The following INPP5D variants were observed in gnomAD, a reference collection of about 807,000 sequenced individuals.
INPP5D encodes the protein phosphatidylinositol 3,4,5-trisphosphate 5-phosphatase 1.
In INPP5D, 33 loss-of-function variants were observed where a neutral mutation model predicts 122.9. That is an observed-to-expected ratio of 0.27 (90% confidence interval 0.20 to 0.36). INPP5D has a LOEUF of 0.36. INPP5D is among the 10% of genes least tolerant of loss of function. The pLI is 1.00. For synonymous variants in INPP5D, 584 were observed against 576.2 expected (o/e 1.01, Z -0.19); for missense variants, 1,053 against 1,412.7 (o/e 0.75, Z 4.08).
intron 9 of INPP5D, among the ~76,000 whole-genome samples, chr2:233,156,491 C>T (rs573383109): frequency 2.2e-4 from 34 of 152,268 alleles, no homozygotes; most frequent in African/African-American, 8.2e-4. Flanking sequence ...GACAGGGTTT[C>T]ACCATGTTGC....
At chr2:233,176,269 G>C (rs1694621819) in intron 17 of INPP5D, among the ~76,000 whole-genome samples, 1 of 151,170 alleles carries the variant, frequency 6.6e-6, no homozygotes, top group Non-Finnish European at 1.5e-5. Context: ...GATTGGATAA[G>C]TAGGTAGACG....
chr2:233,136,395 C>T (rs11677508), intron 5 of INPP5D, among the ~76,000 whole-genome samples: 71,057 of 151,510 alleles, frequency 0.47, 17,096 homozygotes, highest in African/African-American at 0.54. Flanking sequence ...AGGAGAATCG[C>T]TTGAACCCAG....
intron 2 of INPP5D, among the ~76,000 whole-genome samples, chr2:233,089,237 C>T (rs1176559439): frequency 6.6e-6 from 1 of 152,192 alleles, no homozygotes; most frequent in African/African-American, 2.4e-5. Context: ...CTTGTCATCC[C>T]TTTCTGGCCT....
chr2:233,147,385 C>A, intron 8 of INPP5D, 86 bp from the exon 9 acceptor site: 1 of 680,360 alleles, frequency 1.5e-6, no homozygotes, highest in Non-Finnish European at 2.7e-6. Context: ...GGTTGCCCAG[C>A]CATGTAGACA....
chr2:233,206,888 A>C lies in INPP5D; in HGVS notation c.*180A>C, dbSNP rs1180460464. ...GAGTTCACTGCCTGTGAGACTTAGC[A>C]CCAAGTGCTGAGGCTGGAAGAAAAA... On this transcript the variant is annotated 3_prime_UTR_variant, in exon 27 of 27. Coordinates refer to ENST00000445964, the MANE Select transcript of INPP5D (RefSeq NM_001017915.3). The surrounding 1 kb of genome is among the most constrained non-coding windows in gnomAD (Gnocchi z 4.0). 2.3e-5 allele frequency: 14 copies of C among 596,884 alleles called. No homozygotes were observed. The highest frequency in any genetic ancestry group is 3.1e-5 in the Non-Finnish European group (10 of 326,498). The allele number at this position is 596,884 out of a possible 1,614,324, so 37.0% of individuals were successfully genotyped here.
intron 1 of INPP5D, among the ~76,000 whole-genome samples, chr2:233,067,632 A>T (rs889496352): frequency 1.3e-5 from 2 of 152,210 alleles, no homozygotes; most frequent in African/African-American, 4.8e-5. Context: ...TGGTGGATCC[A>T]CCATTTTGCA....
rs1322787041 is a variant in INPP5D, at chr2:233,128,058, G to GGTGAGC, written c.524+2141_524+2146dup. Among the ~76,000 whole-genome samples the GGTGAGC allele has an allele frequency of 1.1e-4, 16 of 152,364 alleles. No individual in the cohort carries two copies. The highest frequency in any genetic ancestry group is 1.5e-4 in the Non-Finnish European group (10 of 68,042). ...TATTAGGAACTGGGTGGCAGCAGGA[G>GGTGAGC]GTGAGCGGAGGGCAAGCGAGCATTA... On this transcript the variant is annotated intron_variant, in intron 4 of 26. Transcript: ENST00000445964. This position sits in a 1 kb window ranked among gnomAD's most constrained non-coding sequence, Gnocchi z 4.5.
At chr2:233,101,325 C>T (rs1170199919) in intron 2 of INPP5D, among the ~76,000 whole-genome samples, 1 of 152,088 alleles carries the variant, frequency 6.6e-6, no homozygotes, top group Non-Finnish European at 1.5e-5. Context: ...GGAGCCAGTG[C>T]CAGCACCCCA....
chr2:233,151,560 C>G (rs1285225946), intron 9 of INPP5D, among the ~76,000 whole-genome samples: 1 of 152,226 alleles, frequency 6.6e-6, no homozygotes, highest in Non-Finnish European at 1.5e-5. Context: ...TTTACACACC[C>G]TGGACTCTGC....
chr2:233,130,768 A>G, intron 5 of INPP5D, 120 bp downstream of exon 5: 1 of 1,032,378 alleles, frequency 9.7e-7, no homozygotes. Context: ...ACTCACAATA[A>G]TTGAGTGGTG....
intron 18 of INPP5D, among the ~76,000 whole-genome samples, chr2:233,179,747 G>A (rs931442108): frequency 2.6e-5 from 4 of 152,122 alleles, no homozygotes; most frequent in Non-Finnish European, 4.4e-5. Flanking sequence ...GGGTTGAGGG[G>A]AGGCAAAATG....
chr2:233,181,877 C>T (rs1312288205), intron 18 of INPP5D, among the ~76,000 whole-genome samples: 1 of 152,142 alleles, frequency 6.6e-6, no homozygotes, highest in Non-Finnish European at 1.5e-5. Flanking sequence ...GAGTGGATCA[C>T]CTGAGGTCAG....
chr2:233,162,143 C>T (rs71421685), intron 11 of INPP5D, among the ~76,000 whole-genome samples: 3,061 of 152,000 alleles, frequency 0.02, 51 homozygotes, highest in Non-Finnish European at 0.03. Flanking sequence ...TCATGGGAAC[C>T]CTGCCAGCCC....
At chr2:233,067,514 A>C (rs1691262006) in intron 1 of INPP5D, among the ~76,000 whole-genome samples, 1 of 152,240 alleles carries the variant, frequency 6.6e-6, no homozygotes, top group Non-Finnish European at 1.5e-5. Flanking sequence ...TTCATATACA[A>C]GGTTTTGTGC....
At chr2:233,135,997 T>C (rs1484651426) in intron 5 of INPP5D, among the ~76,000 whole-genome samples, 1 of 152,208 alleles carries the variant, frequency 6.6e-6, no homozygotes, top group African/African-American at 2.4e-5. Flanking sequence ...CAATTACCTG[T>C]ACATTTTAAA....
At position 233,204,462 on chromosome 2, in the gene INPP5D, G is replaced by C; in HGVS notation, c.3312G>C (p.Gly1104=). 2 of 1,595,208 alleles carry C rather than the reference G, an allele frequency of 1.3e-6. No individual in the cohort carries two copies. The highest frequency in any genetic ancestry group is 8.5e-7 in the Non-Finnish European group (1 of 1,172,126). Residue 1104 remains glycine, a synonymous_variant, in exon 26 of 27, where the codon GGG becomes GGC. Coordinates refer to ENST00000445964, the MANE Select transcript of INPP5D (RefSeq NM_001017915.3). ...CGGCCGGCGGGGACAAGAGCCAAGG[G>C]AAGCCCAAGACCCCGGTCAGCTCCC... ...GRAAGGDKSQ[G]KPKTPVSSQA...
chr2:233,142,722 T>G (rs1279899871), intron 6 of INPP5D, among the ~76,000 whole-genome samples: 1 of 152,136 alleles, frequency 6.6e-6, no homozygotes, highest in Non-Finnish European at 1.5e-5. Flanking sequence ...CCTTTTTTTT[T>G]GAAAAGTGCA....
intron 6 of INPP5D, chr2:233,145,133 C>G (rs1157180004): frequency 2.3e-6 from 1 of 435,752 alleles, no homozygotes; most frequent in African/African-American, 2.0e-5. Flanking sequence ...CTTATTAACT[C>G]TACATTTCCA....
Position 233,128,057 on chromosome 2 carries a change from A to C in INPP5D, c.524+2138A>C, listed in dbSNP as rs1263713885. 6.6e-6 allele frequency among the ~76,000 whole-genome samples: 1 copy of C among 152,200 alleles called. No individual in the cohort carries two copies. Among genetic ancestry groups the C allele is most frequent in the African/African-American group, 2.4e-5 (1 of 41,452 alleles). The stretch of plus-strand genomic sequence containing the variant: ...CTATTAGGAACTGGGTGGCAGCAGG[A>C]GGTGAGCGGAGGGCAAGCGAGCATT... On this transcript the variant is annotated intron_variant, in intron 4 of 26. Transcript: ENST00000445964. This position sits in a 1 kb window ranked among gnomAD's most constrained non-coding sequence, Gnocchi z 4.5.
Sources: gnomAD v4.1 joint callset for allele counts (sites outside exome capture counted in the v4.1 genomes callset) on GRCh38, gnomAD v4.1.1 for gene constraint, Gnocchi (gnomAD v3.1) non-coding constraint, MANE v1.5 for transcripts, NCBI Gene and HGNC (gene_info 2026-07-23, HGNC 2026-07-21) for gene names.